Variants in AOPEP observed in about 807,000 individuals in gnomAD.
The protein encoded by AOPEP is aminopeptidase O (putative).
In AOPEP, 77 loss-of-function variants were observed where a neutral mutation model predicts 98.1. That is an observed-to-expected ratio of 0.78 (90% CI 0.65 to 0.95). The LOEUF is 0.95. AOPEP is among the 40% of genes least tolerant of loss of function. AOPEP has a pLI of 0.00. For missense variants in AOPEP, 1,024 were observed against 1,024.7 expected, an observed-to-expected ratio of 1.00 and a Z score of 0.01; for synonymous variants, 346 against 365.3, an observed-to-expected ratio of 0.95 and a Z score of 0.60.
the AOPEP span, among the ~76,000 whole-genome samples, chr9:95,118,294 T>C: frequency 1.3e-5 from 2 of 152,240 alleles, no homozygotes; most frequent in African/African-American, 4.8e-5. Context: ...GCTGGGGTTA[T>C]AGTCATGAGC....
At position 95,016,090 on chromosome 9, in the gene AOPEP, A is replaced by G. The variant is rs181005386; in HGVS notation, c.2115+10474A>G. Among the ~76,000 whole-genome samples the G allele has an allele frequency of 1.4e-3, 206 of 149,560 alleles. 1 individual carries two copies. Among genetic ancestry groups the G allele is most frequent in the Non-Finnish European group, 2.8e-3 (191 of 67,578 alleles). ...GCTACCTCTGAACTTGGTTCAGTCT[A>G]TTTTACTCTCACTCTTTTTTCCTTT... On this transcript the variant is annotated intron_variant, in intron 13 of 16. Coordinates refer to ENST00000375315, the MANE Select transcript of AOPEP (RefSeq NM_001193329.3).
chr9:94,927,382 C>T (rs1008978293), intron 6 of AOPEP, among the ~76,000 whole-genome samples: 1 of 152,218 alleles, frequency 6.6e-6, no homozygotes, highest in Admixed American at 6.5e-5. Context: ...GTCTGAGGAT[C>T]GTCTGGCCTC....
intron 5 of AOPEP, among the ~76,000 whole-genome samples, chr9:94,923,444 C>T (rs531273806): frequency 1.3e-5 from 2 of 152,300 alleles, no homozygotes; most frequent in Admixed American, 6.5e-5. Context: ...CTCCTGGAAA[C>T]CTCAGCCATC....
intron 5 of AOPEP, among the ~76,000 whole-genome samples, chr9:94,815,598 A>G (rs1042227881): frequency 1.3e-5 from 2 of 151,716 alleles, no homozygotes; most frequent in Non-Finnish European, 2.9e-5. Flanking sequence ...CCCTTTTCCA[A>G]TGGCTCCCCT....
intron 5 of AOPEP, chr9:94,809,877 GCCTGGGCCCTAC>G (rs2133943549): frequency 6.4e-6 from 1 of 155,290 alleles, no homozygotes; most frequent in East Asian, 1.9e-4. Context: ...CCCTTCAGCT[GCCTGGGCCCTAC>G]CCTGGAGACT....
At chr9:95,026,848 C>T (rs1319908656) in intron 13 of AOPEP, among the ~76,000 whole-genome samples, 1 of 152,166 alleles carries the variant, frequency 6.6e-6, no homozygotes, top group African/African-American at 2.4e-5. Context: ...CACATCTTTG[C>T]CATGAGCTAT....
chr9:94,913,524 A>G (rs1037463273), intron 5 of AOPEP, among the ~76,000 whole-genome samples: 1 of 152,198 alleles, frequency 6.6e-6, no homozygotes, highest in Admixed American at 6.6e-5. Flanking sequence ...GTTATTCTTA[A>G]AAGTTCAATT....
chr9:94,733,253 C>G (rs960000769), intron 1 of AOPEP, among the ~76,000 whole-genome samples: 1 of 151,766 alleles, frequency 6.6e-6, no homozygotes, highest in African/African-American at 2.4e-5. Flanking sequence ...ACTACAGGTG[C>G]GCACCACCAT....
chr9:94,749,189 C>A (rs1835152719), intron 1 of AOPEP, among the ~76,000 whole-genome samples: 1 of 152,174 alleles, frequency 6.6e-6, no homozygotes, highest in African/African-American at 2.4e-5. Flanking sequence ...TCAGAATATT[C>A]TTTGGGTTTA....
intron 6 of AOPEP, among the ~76,000 whole-genome samples, 163 bp downstream of exon 6, chr9:94,924,338 C>T (rs1179071550): frequency 6.6e-6 from 1 of 152,130 alleles, no homozygotes; most frequent in Non-Finnish European, 1.5e-5. Flanking sequence ...CTACTCCCCA[C>T]AGGATTTACA....
At chr9:94,746,516 C>T (rs1834513264) in intron 1 of AOPEP, among the ~76,000 whole-genome samples, 2 of 152,168 alleles carry the variant, frequency 1.3e-5, no homozygotes, top group African/African-American at 4.8e-5. Context: ...TTTCTGACCA[C>T]TCTGCTATAA....
intron 14 of AOPEP, among the ~76,000 whole-genome samples, chr9:95,062,421 CT>C (rs2067402397): frequency 6.6e-6 from 1 of 152,204 alleles, no homozygotes; most frequent in Admixed American, 6.5e-5. Flanking sequence ...CTGCCTCCAG[CT>C]GTTCCTGCTC....
chr9:94,804,144 CA>C (rs1848745687), intron 5 of AOPEP, among the ~76,000 whole-genome samples: 1 of 152,108 alleles, frequency 6.6e-6, no homozygotes, highest in Admixed American at 6.5e-5. Context: ...GAAAGGAGCT[CA>C]TCATCACACT....
rs181466095 is a variant in AOPEP at position 94,729,809 on chromosome 9, C to T, written c.-136+3058C>T. ...GGGCAAAATCAGCCCCAATTGAGAA[C>T]CACTGCCATAGAGTCAGAGGAAGCA... is the stretch of plus-strand genomic sequence containing the variant. On this transcript the variant is annotated intron_variant, in intron 1 of 16. Coordinates refer to ENST00000375315, the MANE Select transcript of AOPEP (RefSeq NM_001193329.3). Among the ~76,000 whole-genome samples the T allele has an allele frequency of 9.0e-3, 1,372 of 152,198 alleles. 14 individuals carry two copies. The highest frequency in any genetic ancestry group is 0.012 in the Non-Finnish European group (783 of 68,006).
At chr9:95,030,235 C>T (rs919710779) in intron 13 of AOPEP, among the ~76,000 whole-genome samples, 1 of 152,076 alleles carries the variant, frequency 6.6e-6, no homozygotes, top group Non-Finnish European at 1.5e-5. Flanking sequence ...TTTTGATTGT[C>T]TTTTAAGAAG....
At chr9:95,004,454 C>T (rs1238799285) in intron 11 of AOPEP, among the ~76,000 whole-genome samples, 2 of 152,120 alleles carry the variant, frequency 1.3e-5, no homozygotes, top group East Asian at 3.9e-4. Context: ...GGGAGGTCAC[C>T]TGCCGCTGCC....
chr9:94,849,894 G>A (rs942418448), intron 5 of AOPEP, among the ~76,000 whole-genome samples: 2 of 152,140 alleles, frequency 1.3e-5, no homozygotes, highest in African/African-American at 4.8e-5. Context: ...AATTAGCCAG[G>A]CGTGGTGGCG....
At chr9:94,784,357 A>T (rs1843935848) in intron 3 of AOPEP, among the ~76,000 whole-genome samples, 1 of 152,178 alleles carries the variant, frequency 6.6e-6, no homozygotes, top group African/African-American at 2.4e-5. Flanking sequence ...TTCTCTTAAA[A>T]TTTTTTATGA....
chr9:94,906,646 T>C (rs2051194441), intron 5 of AOPEP, among the ~76,000 whole-genome samples: 1 of 152,066 alleles, frequency 6.6e-6, no homozygotes, highest in African/African-American at 2.4e-5. Context: ...CCAATCTGGG[T>C]AACAGAGTGA....
Sources: allele counts gnomAD v4.1 joint callset (sites outside exome capture counted in the v4.1 genomes callset), GRCh38; gene constraint gnomAD v4.1.1; transcripts MANE v1.5; gene names NCBI Gene and HGNC (gene_info 2026-07-23, HGNC 2026-07-21).